The following LAMA5 variants were observed in gnomAD, a reference collection of about 807,000 sequenced individuals.
LAMA5 encodes laminin subunit alpha 5.
LAMA5 carries 260 observed loss-of-function variants against 433.4 expected under a neutral mutation model. That is an observed-to-expected ratio of 0.60 (90% confidence interval 0.54 to 0.66). The LOEUF (loss-of-function observed/expected upper bound fraction) is 0.66, where lower values mean the gene tolerates loss of function less well. Among genes scored for constraint, LAMA5 ranks in the 30% least tolerant of loss-of-function variants. The pLI, the probability that LAMA5 is intolerant of heterozygous loss-of-function variation, is 0.00. For missense variants in LAMA5, 5,378 were observed against 5,258.5 expected (o/e 1.02, Z -0.70); for synonymous variants, 2,620 against 2,226.6 (o/e 1.18, Z -4.97).
intron 62 of LAMA5, among the ~76,000 whole-genome samples, 154 bp from the exon 63 acceptor site, chr20:62,313,956 C>T (rs1160404103): frequency 4.2e-4 from 7 of 16,820 alleles, no homozygotes; most frequent in Admixed American, 1.5e-3. Context: ...CATGGAGAGA[C>T]GGGTGGCGAG....
chr20:62,338,121 G>A lies in LAMA5; in HGVS notation c.1786C>T (p.Pro596Ser). ...LCGCSPAGTL[P>S]EGCDEAGRCL... The stretch of plus-strand genomic sequence containing the variant: ...CGGCCGGCCTCATCGCAGCCCTCGG[G>A]CAAGGTTCCTGCAGGGCTGCAGCCA... Residue 596 changes from proline to serine, a missense_variant, in exon 14 of 80, where the codon CCC (proline) becomes TCC (serine). Physicochemically the swap from Pro to Ser is moderately conservative, Grantham distance 74 (BLOSUM62 -1). Transcript: ENST00000252999. The A allele has an allele frequency of 1.3e-6, 2 of 1,594,748 alleles. No individual in the cohort carries two copies. Among genetic ancestry groups the A allele is most frequent in the South Asian group, 1.1e-5 (1 of 88,164 alleles).
At position 62,329,775 on chromosome 20, in the gene LAMA5, A is replaced by G; in HGVS notation, c.4119+2T>C. The G allele has an allele frequency of 1.2e-6, 2 of 1,612,258 alleles. No individual in the cohort carries two copies. The highest frequency in any genetic ancestry group is 1.7e-6 in the Non-Finnish European group (2 of 1,179,696). On this transcript the variant is annotated splice_donor_variant, in intron 32 of 79. Coordinates refer to ENST00000252999, the MANE Select transcript of LAMA5 (RefSeq NM_005560.6). LOFTEE classifies it high-confidence loss of function. The stretch of plus-strand genomic sequence containing the variant: ...CTGAGCAGGACATCAGCTGGGACTC[A>G]CCAGCCAGAGCCACCGGCCCTTGGG...
At chr20:62,320,699 C>G in intron 49 of LAMA5, 30 bp from the exon 50 acceptor site, 1 of 1,612,158 alleles carries the variant, frequency 6.2e-7, no homozygotes, top group South Asian at 1.1e-5. Context: ...AAGGCCTGCA[C>G]TGGCCCGGGT....
At position 62,362,489 on chromosome 20, in the gene LAMA5, T is replaced by A. The variant is rs770237285; in HGVS notation, c.361A>T (p.Ile121Phe). The A allele has an allele frequency of 2.5e-6, 4 of 1,605,256 alleles. No homozygotes were observed. Among genetic ancestry groups the A allele is most frequent in the Non-Finnish European group, 3.4e-6 (4 of 1,175,612 alleles). The change falls in exon 2 of 80, where the codon ATC becomes TTC. Residue 121 changes from isoleucine to phenylalanine, a missense_variant. By Grantham distance (21) the Ile-to-Phe change is conservative. Transcript: ENST00000252999. The part of the protein sequence containing the change: ...SNKAHPASNA[I>F]DGTERWWQSP... Reference sequence around the variant, plus strand: ...TGCCACCAGCGCTCCGTGCCATCGATGGCATTGCTCGCGGGGTGTGCCTTG... The same window carrying A: ...TGCCACCAGCGCTCCGTGCCATCGAAGGCATTGCTCGCGGGGTGTGCCTTG...
At chr20:62,344,944 G>A (rs1249991928) in intron 11 of LAMA5, among the ~76,000 whole-genome samples, 2 of 152,210 alleles carry the variant, frequency 1.3e-5, no homozygotes, top group Non-Finnish European at 2.9e-5. Context: ...GACGAAGCTT[G>A]TGAAAGAGAA....
At chr20:62,349,944 T>C (rs1458799191) in intron 6 of LAMA5, among the ~76,000 whole-genome samples, 1 of 149,680 alleles carries the variant, frequency 6.7e-6, no homozygotes, top group Non-Finnish European at 1.5e-5. Context: ...GGAGCCCCCT[T>C]CCCTGGAGGA....
intron 17 of LAMA5, 76 bp from the exon 18 acceptor site, chr20:62,336,521 T>C (rs1981659767): frequency 7.4e-7 from 1 of 1,353,754 alleles, no homozygotes; most frequent in South Asian, 1.3e-5. Context: ...CATAGAGCCC[T>C]GACAAGGGGT....
intron 23 of LAMA5, 68 bp downstream of exon 23, chr20:62,333,833 G>C (rs1457987815): frequency 2.8e-6 from 4 of 1,438,292 alleles, no homozygotes; most frequent in Non-Finnish European, 3.7e-6. Flanking sequence ...GGCGGGGCTT[G>C]GGAGTGGGGT....
intron 38 of LAMA5, 124 bp downstream of exon 38, chr20:62,327,108 TG>T: frequency 8.7e-7 from 1 of 1,148,390 alleles, no homozygotes. Flanking sequence ...GGACAGGGCC[TG>T]GGCACCCTCA....
In LAMA5 at chr20:62,310,465, C is replaced by CCT; in HGVS notation, c.10553_10554insAG (p.Glu3519GlyfsTer16). 6.3e-7 allele frequency: 1 copy of CCT among 1,599,022 alleles called. No individual in the cohort carries two copies. Among genetic ancestry groups the CCT allele is most frequent in the Non-Finnish European group, 8.5e-7 (1 of 1,174,586 alleles). On this transcript the variant is annotated frameshift_variant, in exon 76 of 80. Transcript: ENST00000252999. LOFTEE classifies it high-confidence loss of function. Reference sequence around the variant, plus strand: ...TGCCTGGGAAGAACAGGCCCGCCTCCAGGGGGCCCAAGATGCAGGGTGTGA... The same window carrying CCT: ...TGCCTGGGAAGAACAGGCCCGCCTCCCTAGGGGGCCCAAGATGCAGGGTGTGA...
rs751518574 is a variant in LAMA5 at position 62,329,810 on chromosome 20, G to C, written c.4086C>G (p.Thr1362=). 1 of 1,612,404 alleles carries C rather than the reference G, an allele frequency of 6.2e-7. No homozygotes were observed. Among genetic ancestry groups the C allele is most frequent in the Middle Eastern group, 1.7e-4 (1 of 6,060 alleles). Residue 1362 remains threonine, a synonymous_variant, in exon 32 of 80, where the codon ACC becomes ACG. Transcript: ENST00000252999. The part of the protein sequence containing the change: ...LDVTHSELTV[T]VRVPKGRWLW... ...GCCACCGGCCCTTGGGCACACGCACGGTCACAGTGAGCTCGCTGTGGGTCA... is the reference window on the plus strand; with the variant it reads ...GCCACCGGCCCTTGGGCACACGCACCGTCACAGTGAGCTCGCTGTGGGTCA...
At chr20:62,317,142 G>A (rs1246767505) in intron 55 of LAMA5, 119 bp from the exon 56 acceptor site, 10 of 1,284,478 alleles carry the variant, frequency 7.8e-6, no homozygotes, top group South Asian at 1.6e-5. Context: ...CCCGCCTCCA[G>A]GTCTTTGCCC....
rs1601327516 is a variant in LAMA5 at position 62,324,620 on chromosome 20, C to A, written c.5530-66G>T. On this transcript the variant is annotated intron_variant, in intron 41 of 79. Transcript: ENST00000252999. This position sits in a 1 kb window ranked among gnomAD's most constrained non-coding sequence, Gnocchi z 4.4. ...GACGAGGGGCCCCACCCTGCAAGCT[C>A]ACAAGTCAGACCCTCAGGGATCCTG... 1 of 1,029,764 alleles carries A rather than the reference C, an allele frequency of 9.7e-7. No homozygotes were observed. Among genetic ancestry groups the A allele is most frequent in the East Asian group, 2.6e-5 (1 of 39,094 alleles). The allele number at this position is 1,029,764 out of a possible 1,614,324, so 63.8% of individuals were successfully genotyped here. A position where few individuals can be genotyped will look rare whatever the true frequency, so the allele number is the denominator to read the frequency against.
chr20:62,317,136 C>G, intron 55 of LAMA5, 113 bp from the exon 56 acceptor site: 2 of 1,303,966 alleles, frequency 1.5e-6, no homozygotes, highest in African/African-American at 1.5e-5. Flanking sequence ...CCAAGTCCCG[C>G]CTCCAGGTCT....
At chr20:62,311,816 T>TTGGGGCC in intron 70 of LAMA5, 32 bp from the exon 71 acceptor site, 15 of 1,520,854 alleles carry the variant, frequency 9.9e-6, no homozygotes, top group Non-Finnish European at 1.3e-5. Context: ...GCTCGGTTTT[T>TTGGGGCC]CCCCACCCTG....
chr20:62,322,827 C>T (rs1660604942), intron 45 of LAMA5, 69 bp from the exon 46 acceptor site: 2 of 1,032,154 alleles, frequency 1.9e-6, no homozygotes, highest in Non-Finnish European at 2.7e-6. Flanking sequence ...AGGCACCCTC[C>T]TAAGCCCTCA....
Position 62,320,753 on chromosome 20 carries a change from T to C in LAMA5, c.6634A>G (p.Ile2212Val), listed in dbSNP as rs764705729. The C allele has an allele frequency of 3.7e-6, 6 of 1,612,504 alleles. No individual in the cohort carries two copies. Among genetic ancestry groups the C allele is most frequent in the Non-Finnish European group, 4.2e-6 (5 of 1,179,896 alleles). Residue 2212 changes from isoleucine to valine, a missense_variant, in exon 49 of 80, where the codon ATC becomes GTC. Physicochemically the swap from Ile to Val is conservative, Grantham distance 29. Transcript: ENST00000252999. ...WARLHRLNASIADLQSQLRSP... is the reference protein window; with the variant it reads ...WARLHRLNASVADLQSQLRSP... ...ACGCTCAGTACCTGCAGGTCAGCGA[T>C]GGAGGCGTTCAGCCTGTGCAGACGG... is the stretch of plus-strand genomic sequence containing the variant.
intron 57 of LAMA5, chr20:62,316,259 C>T: frequency 1.7e-6 from 1 of 595,746 alleles, no homozygotes; most frequent in South Asian, 2.0e-5. Flanking sequence ...GGCCTCTGGT[C>T]CCACTGCAGG....
chr20:62,336,923 C>T, intron 16 of LAMA5, 137 bp from the exon 17 acceptor site: 1 of 813,290 alleles, frequency 1.2e-6, no homozygotes, highest in Non-Finnish European at 2.1e-6. Context: ...ACATGGACGG[C>T]CTGAAAACAC....
Sources: allele counts gnomAD v4.1 joint callset (sites outside exome capture counted in the v4.1 genomes callset), GRCh38; gene constraint gnomAD v4.1.1; non-coding constraint Gnocchi (gnomAD v3.1); transcripts MANE v1.5; gene names NCBI Gene and HGNC (gene_info 2026-07-23, HGNC 2026-07-21).